Variants in COG5 observed in about 807,000 individuals in gnomAD.
COG5 encodes conserved oligomeric Golgi complex subunit 5.
In COG5, 86 loss-of-function variants were observed where a neutral mutation model predicts 110.4. The ratio of observed to expected loss-of-function variants is 0.78; its 90% CI spans 0.65 to 0.93. The LOEUF is 0.93. Ranked by LOEUF, COG5 falls within the 40% of genes least tolerant of loss-of-function variation. COG5 has a pLI of 0.00. For missense variants in COG5, 1,077 were observed against 987.0 expected (o/e 1.09, Z -1.22); for synonymous variants, 360 against 334.6 (o/e 1.08, Z -0.83).
At chr7:107,208,588 AG>A in intron 21 of COG5, 5 of 985,446 alleles carry the variant, frequency 5.1e-6, no homozygotes, top group Non-Finnish European at 6.0e-6. Context: ...TCCCTGTGTT[AG>A]CCCAGGCCCA....
At chr7:107,364,757 T>C (rs1001809986) in intron 8 of COG5, among the ~76,000 whole-genome samples, 7 of 152,182 alleles carry the variant, frequency 4.6e-5, no homozygotes, top group Non-Finnish European at 1.0e-4. Context: ...AAGAATTACA[T>C]GTACCTTTAG....
At position 107,412,530 on chromosome 7, in the gene COG5, C is replaced by T. The variant is rs756984465; in HGVS notation, c.641G>A (p.Arg214His). The T allele has an allele frequency of 1.4e-5, 22 of 1,612,724 alleles. 1 individual carries two copies. In the South Asian group the frequency reaches 1.4e-4, roughly 10 times the overall value. The change falls in exon 7 of 22, where the codon CGC becomes CAC. Residue 214 changes from arginine to histidine, a missense_variant. Transcript: ENST00000297135. ...ARLEVENQAKRLLEQGLETQN... is the reference protein window; with the variant it reads ...ARLEVENQAKHLLEQGLETQN... The stretch of plus-strand genomic sequence containing the variant: ...AGTCTCCAAACCCTGCTCTAGTAGG[C>T]GCTTAGCTTGATTTTCCACTTCAAG...
intron 6 of COG5, among the ~76,000 whole-genome samples, chr7:107,417,332 A>G (rs1792923434): frequency 6.6e-6 from 1 of 152,066 alleles, no homozygotes; most frequent in Non-Finnish European, 1.5e-5. Context: ...ATTATTTGTA[A>G]TTATACTTAT....
At chr7:107,416,152 T>C (rs1450990520) in intron 6 of COG5, among the ~76,000 whole-genome samples, 1 of 151,772 alleles carries the variant, frequency 6.6e-6, no homozygotes, top group East Asian at 1.9e-4. Flanking sequence ...CTTAGGCACA[T>C]ACCCCAGAAA....
At chr7:107,280,857 G>A (rs576551149) in intron 14 of COG5, among the ~76,000 whole-genome samples, 3 of 151,874 alleles carry the variant, frequency 2.0e-5, no homozygotes, top group East Asian at 1.9e-4. Flanking sequence ...AAAATTTTAC[G>A]TACTTTACTT....
intron 21 of COG5, chr7:107,209,335 A>G: frequency 2.2e-6 from 1 of 457,084 alleles, no homozygotes; most frequent in Non-Finnish European, 2.9e-6. Context: ...GTGACCTCCC[A>G]ACCAAGACAG....
chr7:107,505,512 T>C (rs868371898), intron 6 of COG5, among the ~76,000 whole-genome samples: 1 of 151,836 alleles, frequency 6.6e-6, no homozygotes, highest in African/African-American at 2.4e-5. Flanking sequence ...TTCAGAGAGG[T>C]TGTCTATAGG....
chr7:107,230,627 A>G lies in COG5; in HGVS notation c.2156T>C (p.Leu719Pro). 3 of 1,611,774 alleles carry G rather than the reference A, an allele frequency of 1.9e-6. No homozygotes were observed. The highest frequency in any genetic ancestry group is 2.5e-6 in the Non-Finnish European group (3 of 1,177,886). The part of the protein sequence containing the change: ...VSDLGKSYRM[L>P]RSFRPLLFQA... ...AATTCGGTCTTACCTGAATGATCTC[A>G]GCATCCGATAGGACTTTCCTAAATC... Residue 719 changes from leucine (L) to proline (P), a missense_variant, in exon 19 of 22, where the codon CTG becomes CCG. Physicochemically the swap from Leu to Pro is moderately conservative, Grantham distance 98. Coordinates refer to ENST00000297135, the MANE Select transcript of COG5 (RefSeq NM_006348.5).
chr7:107,391,119 A>G (rs1047862047), intron 7 of COG5, among the ~76,000 whole-genome samples: 2 of 152,094 alleles, frequency 1.3e-5, no homozygotes, highest in African/African-American at 4.8e-5. Context: ...AGGGTCGGCA[A>G]CGGTGATTAC....
intron 6 of COG5, among the ~76,000 whole-genome samples, chr7:107,526,842 A>G (rs192174834): frequency 8.5e-5 from 13 of 152,306 alleles, no homozygotes; most frequent in Non-Finnish European, 1.8e-4. Flanking sequence ...AGACAAAACT[A>G]CAATGATGGA....
At chr7:107,376,074 C>T (rs888264231) in intron 7 of COG5, among the ~76,000 whole-genome samples, 7 of 151,982 alleles carry the variant, frequency 4.6e-5, no homozygotes, top group African/African-American at 1.7e-4. Context: ...ATAAAAATCA[C>T]CCGCACTCCC....
At chr7:107,491,499 G>A (rs1043853514) in intron 6 of COG5, among the ~76,000 whole-genome samples, 4 of 152,082 alleles carry the variant, frequency 2.6e-5, no homozygotes, top group Non-Finnish European at 4.4e-5. Context: ...GTGAAGGCTC[G>A]TACCCTACAG....
At chr7:107,349,909 C>T (rs12113659) in intron 10 of COG5, among the ~76,000 whole-genome samples, 3 of 152,010 alleles carry the variant, frequency 2.0e-5, no homozygotes, top group Non-Finnish European at 2.9e-5. Flanking sequence ...CCAGGCTGTT[C>T]GCAAACTCCT....
chr7:107,487,842 C>T (rs1584886213), intron 6 of COG5, among the ~76,000 whole-genome samples: 1 of 152,040 alleles, frequency 6.6e-6, no homozygotes, highest in Non-Finnish European at 1.5e-5. Context: ...ATTAACATGG[C>T]ATTATGTCCA....
intron 6 of COG5, among the ~76,000 whole-genome samples, chr7:107,448,332 G>A (rs1371695175): frequency 2.6e-5 from 4 of 152,042 alleles, no homozygotes; most frequent in Admixed American, 1.3e-4. Flanking sequence ...GCTGTCTTGC[G>A]GAGGTCACCA....
chr7:107,355,633 C>G (rs776800671), intron 10 of COG5, among the ~76,000 whole-genome samples: 17 of 152,170 alleles, frequency 1.1e-4, no homozygotes, highest in Admixed American at 7.9e-4. Flanking sequence ...ATTGAAGGAA[C>G]CTTAAACGCA....
Position 107,511,554 on chromosome 7 carries a change from C to A in COG5, c.538+15683G>T, listed in dbSNP as rs561652065. 9.2e-5 allele frequency among the ~76,000 whole-genome samples: 14 copies of A among 152,298 alleles called. No homozygotes were observed. The South Asian group carries it at 2.1e-3, about 23-fold the overall frequency. ...TCCCTAACTCACTTTATGAGGCCAGCATCATCCTGATACCAAAGCCTGGCA... is the reference window on the plus strand; with the variant it reads ...TCCCTAACTCACTTTATGAGGCCAGAATCATCCTGATACCAAAGCCTGGCA... On this transcript the variant is annotated intron_variant, in intron 6 of 21. Transcript: ENST00000297135.
Position 107,203,356 on chromosome 7 carries a change from A to C in COG5, c.*160T>G. 1.6e-6 allele frequency: 1 copy of C among 640,744 alleles called. No homozygotes were observed. The highest frequency in any genetic ancestry group is 2.8e-6 in the Non-Finnish European group (1 of 355,736). 39.7% of individuals were successfully genotyped at this position (640,744 alleles called of 1,614,324 possible). On this transcript the variant is annotated 3_prime_UTR_variant, in exon 22 of 22. Coordinates refer to ENST00000297135, the MANE Select transcript of COG5 (RefSeq NM_006348.5). ...GATAACTCAACATTTTTTATGCTAA[A>C]GTATAAGTGCTAAAGAGGTAAATAA...
intron 6 of COG5, chr7:107,480,855 C>A (rs150823589): frequency 6.6e-6 from 1 of 152,074 alleles, no homozygotes; most frequent in Non-Finnish European, 1.5e-5. Context: ...TTAAGAAATA[C>A]TCATTTTTTT....
Sources: gnomAD v4.1 joint callset for allele counts (sites outside exome capture counted in the v4.1 genomes callset) on GRCh38, gnomAD v4.1.1 for gene constraint, MANE v1.5 for transcripts, NCBI Gene and HGNC (gene_info 2026-07-23, HGNC 2026-07-21) for gene names.